ADAMTSL1: variants seen among roughly 807,000 people sequenced by gnomAD.
ADAMTSL1 encodes the protein ADAMTS-like protein 1.
A neutral mutation model predicts 201.8 loss-of-function variants in ADAMTSL1; 126 were observed. That is an observed-to-expected ratio of 0.62 (90% CI 0.54 to 0.72). The LOEUF (loss-of-function observed/expected upper bound fraction) is 0.72. ADAMTSL1 is among the 30% of genes least tolerant of loss of function. The pLI is 0.00. For synonymous variants in ADAMTSL1, 1,121 were observed against 903.4 expected, an observed-to-expected ratio of 1.24 and a Z score of -4.32; for missense variants, 2,679 against 2,277.8, an observed-to-expected ratio of 1.18 and a Z score of -3.59.
At chr9:18,704,405 G>A (rs946616978) in intron 13 of ADAMTSL1, among the ~76,000 whole-genome samples, 2 of 152,168 alleles carry the variant, frequency 1.3e-5, no homozygotes, top group Non-Finnish European at 2.9e-5. Context: ...AGCTGGTAGG[G>A]TGCAGTTCTT....
chr9:18,497,924 T>G (rs912779668), intron 1 of ADAMTSL1, among the ~76,000 whole-genome samples: 1 of 152,214 alleles, frequency 6.6e-6, no homozygotes, highest in Non-Finnish European at 1.5e-5. Flanking sequence ...TATTTGACAT[T>G]GAACAGAGTC....
At chr9:18,684,505 GA>G (rs1830705616) in intron 12 of ADAMTSL1, among the ~76,000 whole-genome samples, 1 of 152,188 alleles carries the variant, frequency 6.6e-6, no homozygotes, top group Non-Finnish European at 1.5e-5. Flanking sequence ...ATAATAAAGA[GA>G]AAGCTTGCAC....
At chr9:18,567,296 C>G (rs751396335) in intron 3 of ADAMTSL1, among the ~76,000 whole-genome samples, 1 of 152,176 alleles carries the variant, frequency 6.6e-6, no homozygotes, top group East Asian at 1.9e-4. Context: ...AAAACCCTGT[C>G]TCTACTAAAA....
intron 9 of ADAMTSL1, among the ~76,000 whole-genome samples, chr9:18,670,789 A>C (rs907763120): frequency 9.8e-5 from 15 of 152,330 alleles, no homozygotes; most frequent in African/African-American, 3.6e-4. Flanking sequence ...TGATAAACTA[A>C]AGAAAAACTT....
intron 1 of ADAMTSL1, among the ~76,000 whole-genome samples, chr9:18,088,975 G>C (rs890400747): frequency 6.6e-6 from 1 of 152,096 alleles, no homozygotes; most frequent in Non-Finnish European, 1.5e-5. Context: ...ACAAGGTATG[G>C]AAACAACCTA....
At chr9:18,143,420 T>C (rs943889955) in intron 1 of ADAMTSL1, among the ~76,000 whole-genome samples, 31 of 152,210 alleles carry the variant, frequency 2.0e-4, no homozygotes, top group Admixed American at 1.6e-3. Flanking sequence ...TTCACTCTAT[T>C]TTTTATGGCA....
chr9:18,377,828 A>G (rs947735384), intron 2 of ADAMTSL1, among the ~76,000 whole-genome samples: 22 of 152,110 alleles, frequency 1.4e-4, no homozygotes, highest in African/African-American at 5.3e-4. Context: ...TCAGCCTCCC[A>G]AAGTGCTGGG....
In ADAMTSL1 at chr9:18,145,099, C is replaced by T. The variant is rs543836678; in HGVS notation, c.88-18763C>T. Among the ~76,000 whole-genome samples the T allele has an allele frequency of 2.6e-5, 4 of 152,248 alleles. No homozygotes were observed. The East Asian group carries it at 7.7e-4, about 29-fold the overall frequency. On this transcript the variant is annotated intron_variant, in intron 1 of 29. Transcript: ENST00000680146. Reference sequence around the variant, plus strand: ...GATATCAATGTTATTTAGGTATAACCTGATCATTCTGACAGCTAAAGAGGT... The same window carrying T: ...GATATCAATGTTATTTAGGTATAACTTGATCATTCTGACAGCTAAAGAGGT...
intron 2 of ADAMTSL1, among the ~76,000 whole-genome samples, chr9:18,419,485 A>T (rs965142706): frequency 7.0e-6 from 1 of 143,610 alleles, no homozygotes; most frequent in Non-Finnish European, 1.5e-5. Context: ...ATGTTTGCAC[A>T]AAAACCTGTA....
chr9:18,831,030 A>C (rs1354537900), intron 23 of ADAMTSL1, among the ~76,000 whole-genome samples: 1 of 152,238 alleles, frequency 6.6e-6, no homozygotes, highest in Non-Finnish European at 1.5e-5. Context: ...ATGACTTATC[A>C]ACATGGCCAC....
intron 2 of ADAMTSL1, among the ~76,000 whole-genome samples, chr9:18,211,253 CT>C (rs1829860370): frequency 1.3e-5 from 2 of 152,054 alleles, no homozygotes; most frequent in African/African-American, 4.8e-5. Flanking sequence ...TTGTTAACTT[CT>C]AGGTCAGTGT....
chr9:18,679,459 G>A (rs1383682455), intron 10 of ADAMTSL1, among the ~76,000 whole-genome samples: 3 of 151,930 alleles, frequency 2.0e-5, no homozygotes, highest in African/African-American at 7.3e-5. Flanking sequence ...CTCTGCATCT[G>A]GGACCTAATG....
At chr9:17,929,364 C>T (rs1826685027) in intron 1 of ADAMTSL1, among the ~76,000 whole-genome samples, 1 of 152,042 alleles carries the variant, frequency 6.6e-6, no homozygotes, top group Non-Finnish European at 1.5e-5. Context: ...TACTGTAAGA[C>T]CTCTTCTTTC....
intron 2 of ADAMTSL1, among the ~76,000 whole-genome samples, chr9:18,228,870 G>A (rs1830535216): frequency 6.6e-6 from 1 of 150,906 alleles, no homozygotes; most frequent in South Asian, 2.1e-4. Context: ...GTTTGCTTGG[G>A]GTCACACAGC....
At chr9:18,311,918 T>C (rs967452119) in intron 2 of ADAMTSL1, among the ~76,000 whole-genome samples, 16 of 152,092 alleles carry the variant, frequency 1.1e-4, no homozygotes, top group African/African-American at 3.1e-4. Flanking sequence ...AAAAAATGTA[T>C]CCCAGGGAGA....
At chr9:18,533,721 A>G (rs1564025122) in intron 3 of ADAMTSL1, among the ~76,000 whole-genome samples, 1 of 152,242 alleles carries the variant, frequency 6.6e-6, no homozygotes, top group Non-Finnish European at 1.5e-5. Context: ...CCAGTACAAG[A>G]ATAAATAACA....
At chr9:17,922,062 C>A (rs966849125) in intron 1 of ADAMTSL1, among the ~76,000 whole-genome samples, 1 of 144,780 alleles carries the variant, frequency 6.9e-6, no homozygotes, top group Non-Finnish European at 1.5e-5. Flanking sequence ...AAAATGTATT[C>A]TCTAAGGTGT....
intron 2 of ADAMTSL1, among the ~76,000 whole-genome samples, chr9:18,369,930 C>G (rs902057589): frequency 1.3e-5 from 2 of 152,172 alleles, no homozygotes; most frequent in African/African-American, 4.8e-5. Context: ...ACTAAATGTT[C>G]TCACTTATAA....
intron 23 of ADAMTSL1, among the ~76,000 whole-genome samples, chr9:18,842,495 T>C (rs1422932869): frequency 1.3e-5 from 2 of 152,156 alleles, no homozygotes; most frequent in Non-Finnish European, 2.9e-5. Context: ...GGTGTGGTGC[T>C]GAAAAAAATG....
Sources: allele counts gnomAD v4.1 joint callset (sites outside exome capture counted in the v4.1 genomes callset), GRCh38; gene constraint gnomAD v4.1.1; transcripts MANE v1.5; gene names NCBI Gene and HGNC (gene_info 2026-07-23, HGNC 2026-07-21).